Variants in ZNF804B observed in about 807,000 individuals in gnomAD.
The protein encoded by ZNF804B is zinc finger 804B.
ZNF804B carries 80 observed loss-of-function variants against 101.4 expected under a neutral mutation model. The observed-to-expected ratio is 0.79, with a 90% CI of 0.66 to 0.95. The LOEUF (loss-of-function observed/expected upper bound fraction) is 0.95, where lower values mean the gene tolerates loss of function less well. ZNF804B is among the 40% of genes least tolerant of loss of function. The probability of loss-of-function intolerance (pLI) is 0.00; values close to 1 mark genes in which losing one functional copy is unlikely to be tolerated. For synonymous variants in ZNF804B, 622 were observed against 558.8 expected, an observed-to-expected ratio of 1.11 and a Z score of -1.59; for missense variants, 1,673 against 1,561.9, an observed-to-expected ratio of 1.07 and a Z score of -1.20.
intron 1 of ZNF804B, among the ~76,000 whole-genome samples, chr7:89,036,790 G>T (rs995055185): frequency 1.1e-4 from 16 of 152,096 alleles, no homozygotes; most frequent in Non-Finnish European, 2.1e-4. Context: ...TGAAGTAGCT[G>T]GTGTTGGGTT....
chr7:88,925,699 A>G (rs889324268), intron 1 of ZNF804B, among the ~76,000 whole-genome samples: 1 of 152,210 alleles, frequency 6.6e-6, no homozygotes, highest in African/African-American at 2.4e-5. Flanking sequence ...GAGGAATTCT[A>G]TCTAGCTGCA....
chr7:88,791,570 A>G (rs1790381109), intron 1 of ZNF804B, among the ~76,000 whole-genome samples: 1 of 152,092 alleles, frequency 6.6e-6, no homozygotes, highest in Non-Finnish European at 1.5e-5. Context: ...TTCTCACACC[A>G]AAAAGTATTA....
At chr7:89,211,107 T>C (rs1788795215) in intron 1 of ZNF804B, among the ~76,000 whole-genome samples, 1 of 152,264 alleles carries the variant, frequency 6.6e-6, no homozygotes, top group Admixed American at 6.5e-5. Flanking sequence ...TGTTGAGCTT[T>C]CATTCATATG....
At chr7:89,115,129 A>C (rs1376206308) in intron 1 of ZNF804B, among the ~76,000 whole-genome samples, 1 of 152,138 alleles carries the variant, frequency 6.6e-6, no homozygotes, top group African/African-American at 2.4e-5. Flanking sequence ...AGAGGGAATC[A>C]AGGTCAAGCA....
chr7:88,877,018 ATATATATAAT>A (rs1486028224), intron 1 of ZNF804B, among the ~76,000 whole-genome samples: 154 of 78,490 alleles, frequency 2.0e-3, no homozygotes, highest in Non-Finnish European at 2.5e-3. Context: ...ATATATATAT[ATATATATAAT>A]ATATATATAT....
intron 1 of ZNF804B, among the ~76,000 whole-genome samples, chr7:89,148,167 T>G (rs1251754654): frequency 2.0e-5 from 3 of 151,998 alleles, no homozygotes; most frequent in Non-Finnish European, 4.4e-5. Flanking sequence ...CTATTAAACT[T>G]TCTAAATTTA....
chr7:89,216,707 C>A (rs1020698658), intron 1 of ZNF804B, among the ~76,000 whole-genome samples: 2 of 152,126 alleles, frequency 1.3e-5, no homozygotes, highest in Non-Finnish European at 2.9e-5. Context: ...ATGTTACACA[C>A]GTCTAAATTA....
intron 1 of ZNF804B, among the ~76,000 whole-genome samples, chr7:88,820,138 A>C (rs1430200841): frequency 1.3e-5 from 2 of 152,206 alleles, no homozygotes; most frequent in African/African-American, 2.4e-5. Flanking sequence ...TTAAATTACA[A>C]AGCAATTTAA....
At chr7:89,299,002 G>A (rs562589396) in intron 2 of ZNF804B, among the ~76,000 whole-genome samples, 3 of 151,962 alleles carry the variant, frequency 2.0e-5, no homozygotes, top group Non-Finnish European at 4.4e-5. Flanking sequence ...GACCTTTATG[G>A]CCCATTTTTC....
chr7:89,276,489 A>G (rs562814347), intron 2 of ZNF804B, among the ~76,000 whole-genome samples: 4 of 152,002 alleles, frequency 2.6e-5, no homozygotes, highest in Admixed American at 2.0e-4. Context: ...AATAATTTCA[A>G]ATGTACAATA....
chr7:88,969,532 C>A (rs1793502408), intron 1 of ZNF804B, among the ~76,000 whole-genome samples: 1 of 151,598 alleles, frequency 6.6e-6, no homozygotes, highest in Non-Finnish European at 1.5e-5. Context: ...AGAGTGATGA[C>A]ATTTTTTTCT....
At chr7:88,911,995 C>T (rs939429736) in intron 1 of ZNF804B, among the ~76,000 whole-genome samples, 2 of 151,736 alleles carry the variant, frequency 1.3e-5, no homozygotes, top group African/African-American at 4.8e-5. Context: ...TATAAATATA[C>T]AGTAATTTGC....
intron 1 of ZNF804B, among the ~76,000 whole-genome samples, chr7:88,782,203 A>G (rs1790239901): frequency 6.6e-6 from 1 of 151,844 alleles, no homozygotes; most frequent in Non-Finnish European, 1.5e-5. Context: ...ACAGGGTCAC[A>G]CATCTGTATC....
chr7:88,999,138 T>C (rs969965378), intron 1 of ZNF804B, among the ~76,000 whole-genome samples: 3 of 152,082 alleles, frequency 2.0e-5, no homozygotes, highest in Non-Finnish European at 4.4e-5. Flanking sequence ...TCAATCAGTT[T>C]TACAACAGAG....
At chr7:89,250,897 A>C (rs1162773326) in intron 2 of ZNF804B, among the ~76,000 whole-genome samples, 1 of 152,230 alleles carries the variant, frequency 6.6e-6, no homozygotes, top group Non-Finnish European at 1.5e-5. Flanking sequence ...ACATGTCTTC[A>C]TGTTAAAAAC....
At chr7:88,921,469 C>T (rs944377250) in intron 1 of ZNF804B, among the ~76,000 whole-genome samples, 4 of 152,124 alleles carry the variant, frequency 2.6e-5, no homozygotes, top group Admixed American at 6.6e-5. Flanking sequence ...AATTATAAAA[C>T]ATTTCTATTG....
intron 1 of ZNF804B, among the ~76,000 whole-genome samples, chr7:88,934,479 A>G (rs1364186827): frequency 2.0e-5 from 3 of 152,084 alleles, no homozygotes; most frequent in Non-Finnish European, 4.4e-5. Context: ...AGAATGGGAG[A>G]AAACATTCAC....
At chr7:88,763,756 AAAAT>A (rs1430963740) in intron 1 of ZNF804B, among the ~76,000 whole-genome samples, 1 of 116,802 alleles carries the variant, frequency 8.6e-6, no homozygotes, top group Non-Finnish European at 1.6e-5. Flanking sequence ...TATAGACAGA[AAAAT>A]AGATAGATAG....
chr7:89,082,946 T>C (rs1240661021), intron 1 of ZNF804B, among the ~76,000 whole-genome samples: 2 of 151,820 alleles, frequency 1.3e-5, no homozygotes, highest in Admixed American at 6.6e-5. Flanking sequence ...TTACATATTA[T>C]TGGCACTTTG....
Sources: allele counts gnomAD v4.1 joint callset (sites outside exome capture counted in the v4.1 genomes callset), GRCh38; gene constraint gnomAD v4.1.1; transcripts MANE v1.5; gene names NCBI Gene and HGNC (gene_info 2026-07-23, HGNC 2026-07-21).